KIAA1328: variants seen among roughly 807,000 people sequenced by gnomAD.
KIAA1328 encodes the protein KIAA1328.
In KIAA1328, 52 loss-of-function variants were observed where a neutral mutation model predicts 68.1. That is an observed-to-expected ratio of 0.76 (90% confidence interval 0.61 to 0.96). The LOEUF (loss-of-function observed/expected upper bound fraction) is 0.96. Ranked by LOEUF, KIAA1328 falls within the 40% of genes least tolerant of loss-of-function variation. KIAA1328 has a pLI of 0.00. For missense variants in KIAA1328, 641 were observed against 677.6 expected (o/e 0.95, Z 0.60); for synonymous variants, 232 against 239.4 (o/e 0.97, Z 0.28).
At chr18:36,948,749 A>G (rs567003329) in intron 5 of KIAA1328, among the ~76,000 whole-genome samples, 16 of 151,510 alleles carry the variant, frequency 1.1e-4, no homozygotes, top group Admixed American at 4.6e-4. Flanking sequence ...GGGTTTCTCC[A>G]TGTTGGTCAG....
chr18:36,987,098 A>G (rs1968156497), intron 6 of KIAA1328, among the ~76,000 whole-genome samples: 1 of 19,272 alleles, frequency 5.2e-5, no homozygotes, highest in South Asian at 2.9e-3. Context: ...ATGTCCAACA[A>G]TGATAGACTG....
chr18:37,195,610 T>A (rs1169101101), intron 9 of KIAA1328, among the ~76,000 whole-genome samples: 1 of 152,190 alleles, frequency 6.6e-6, no homozygotes. Context: ...TGGCTGTAAG[T>A]GTGTGGATTT....
At chr18:37,147,720 C>T (rs928782115) in intron 7 of KIAA1328, among the ~76,000 whole-genome samples, 59 of 152,048 alleles carry the variant, frequency 3.9e-4, no homozygotes, top group Admixed American at 1.9e-3. Context: ...GTATTCTTAG[C>T]GGAAGTCTAG....
intron 7 of KIAA1328, among the ~76,000 whole-genome samples, chr18:37,082,924 G>T (rs2151805037): frequency 6.6e-6 from 1 of 152,264 alleles, no homozygotes; most frequent in East Asian, 1.9e-4. Context: ...CTAACAATAT[G>T]CCTTAATACA....
intron 5 of KIAA1328, among the ~76,000 whole-genome samples, chr18:36,933,987 C>T (rs189052591): frequency 1.3e-4 from 20 of 152,292 alleles, no homozygotes; most frequent in African/African-American, 3.9e-4. Flanking sequence ...TAAAAGTCCC[C>T]GCATTTTGCA....
chr18:37,049,321 A>G (rs1014194170), intron 6 of KIAA1328, among the ~76,000 whole-genome samples: 1 of 152,196 alleles, frequency 6.6e-6, no homozygotes, highest in Non-Finnish European at 1.5e-5. Context: ...ACAATGGAGG[A>G]AAATGATGCC....
chr18:37,125,122 G>A (rs1047274614), intron 7 of KIAA1328, among the ~76,000 whole-genome samples: 1 of 152,138 alleles, frequency 6.6e-6, no homozygotes, highest in East Asian at 1.9e-4. Flanking sequence ...GAGTCCAGGA[G>A]TTTGAGACCA....
intron 5 of KIAA1328, chr18:36,903,823 C>G (rs1568144085): frequency 6.6e-6 from 1 of 152,130 alleles, no homozygotes; most frequent in Non-Finnish European, 1.5e-5. Flanking sequence ...CATCTTTACT[C>G]TTTTTCCTCC....
chr18:36,961,580 C>T (rs2051675553), intron 6 of KIAA1328, among the ~76,000 whole-genome samples: 1 of 152,112 alleles, frequency 6.6e-6, no homozygotes, highest in Non-Finnish European at 1.5e-5. Context: ...GGTCGGGTTA[C>T]CCACAAAGGG....
At chr18:37,126,891 T>TA (rs559683829) in intron 7 of KIAA1328, among the ~76,000 whole-genome samples, 71 of 152,084 alleles carry the variant, frequency 4.7e-4, no homozygotes, top group Middle Eastern at 3.4e-3. Flanking sequence ...CCATTCATGA[T>TA]AAAAAAAATC....
chr18:36,860,406 C>T (rs913453984), intron 4 of KIAA1328, among the ~76,000 whole-genome samples: 7 of 151,802 alleles, frequency 4.6e-5, no homozygotes, highest in African/African-American at 1.7e-4. Flanking sequence ...TCAATTTTGC[C>T]TTGTGTGTTT....
chr18:37,025,894 A>G (rs2054555366), intron 6 of KIAA1328, among the ~76,000 whole-genome samples: 1 of 152,220 alleles, frequency 6.6e-6, no homozygotes, highest in Non-Finnish European at 1.5e-5. Flanking sequence ...TGAAGGAAAT[A>G]GAGACACAAA....
At chr18:37,115,413 C>G (rs1391621106) in intron 7 of KIAA1328, among the ~76,000 whole-genome samples, 3 of 152,132 alleles carry the variant, frequency 2.0e-5, no homozygotes, top group Non-Finnish European at 4.4e-5. Flanking sequence ...AAGACAAAAA[C>G]CACATGATTA....
chr18:37,169,209 GGGCTGGAGTGCAGT>G (rs2059450320), intron 8 of KIAA1328, among the ~76,000 whole-genome samples: 1 of 149,016 alleles, frequency 6.7e-6, no homozygotes, highest in Non-Finnish European at 1.5e-5. Context: ...ACTGTCGCCC[GGGCTGGAGTGCAGT>G]GGCACGATCT....
chr18:36,848,079 A>G (rs1030375670), intron 4 of KIAA1328, among the ~76,000 whole-genome samples: 2 of 151,610 alleles, frequency 1.3e-5, no homozygotes, highest in Non-Finnish European at 3.0e-5. Context: ...TTCACTGTAA[A>G]TTTTAGAATC....
intron 6 of KIAA1328, among the ~76,000 whole-genome samples, chr18:37,003,026 A>T (rs934305889): frequency 1.3e-5 from 2 of 152,146 alleles, no homozygotes; most frequent in Non-Finnish European, 2.9e-5. Context: ...CCAGATAATA[A>T]GCCACTTATT....
chr18:36,931,593 T>C (rs2050312642), intron 5 of KIAA1328, among the ~76,000 whole-genome samples: 2 of 152,050 alleles, frequency 1.3e-5, no homozygotes, highest in African/African-American at 2.4e-5. Context: ...TCTCTGCAAG[T>C]AGTGAGAGAA....
chr18:37,138,948 C>CTTTTTTTTTTTT (rs869053490), intron 7 of KIAA1328, among the ~76,000 whole-genome samples: 3 of 74,166 alleles, frequency 4.0e-5, no homozygotes, highest in Non-Finnish European at 7.2e-5. Flanking sequence ...AAATTTTGTT[C>CTTTTTTTTTTTT]TTTTTTTTTT....
At chr18:36,964,037 A>G (rs1418282549) in intron 6 of KIAA1328, among the ~76,000 whole-genome samples, 1 of 152,254 alleles carries the variant, frequency 6.6e-6, no homozygotes, top group Non-Finnish European at 1.5e-5. Context: ...GGCAGAATGA[A>G]TGAATCAGCC....
Sources: gnomAD v4.1 joint callset for allele counts (sites outside exome capture counted in the v4.1 genomes callset) on GRCh38, gnomAD v4.1.1 for gene constraint, MANE v1.5 for transcripts, NCBI Gene and HGNC (gene_info 2026-07-23, HGNC 2026-07-21) for gene names.